MB21D2: variants seen among roughly 807,000 people sequenced by gnomAD.
The protein encoded by MB21D2 is nucleotidyltransferase MB21D2.
In MB21D2, 9 loss-of-function variants were observed where a neutral mutation model predicts 33.3. The ratio of observed to expected loss-of-function variants is 0.27; its 90% CI spans 0.16 to 0.47. The LOEUF (loss-of-function observed/expected upper bound fraction) is 0.47. Among genes scored for constraint, MB21D2 ranks in the 20% least tolerant of loss-of-function variants. MB21D2 has a pLI of 0.99. For missense variants in MB21D2, 540 were observed against 624.6 expected, an observed-to-expected ratio of 0.86 and a Z score of 1.44; for synonymous variants, 241 against 236.3, an observed-to-expected ratio of 1.02 and a Z score of -0.18.
intron 1 of MB21D2, among the ~76,000 whole-genome samples, chr3:192,832,271 T>C (rs1712331180): frequency 6.6e-6 from 1 of 152,234 alleles, no homozygotes; most frequent in Non-Finnish European, 1.5e-5. Context: ...TGATATTTTT[T>C]CTTGGATCAA....
At chr3:192,902,805 T>A (rs1009606460) in intron 1 of MB21D2, among the ~76,000 whole-genome samples, 1 of 152,096 alleles carries the variant, frequency 6.6e-6, no homozygotes, top group East Asian at 1.9e-4. Flanking sequence ...CGGCAACTCC[T>A]CCCAGCCACA....
At position 192,810,343 on chromosome 3, in the gene MB21D2, T is replaced by C. The variant is rs1250772597; in HGVS notation, c.212-10693A>G. Among the ~76,000 whole-genome samples the C allele has an allele frequency of 2.6e-5, 4 of 152,218 alleles. No homozygotes were observed. The South Asian group carries it at 8.3e-4, about 32-fold the overall frequency. ...TAAAAGAGACCTTGAATCGGTGATCTACATTACACATTTGAATTTGCTAAA... is the reference window on the plus strand; with the variant it reads ...TAAAAGAGACCTTGAATCGGTGATCCACATTACACATTTGAATTTGCTAAA... On this transcript the variant is annotated intron_variant, in intron 1 of 1. Transcript: ENST00000392452.
chr3:192,917,487 G>A (rs1560261308), intron 1 of MB21D2, 143 bp downstream of exon 1: 1 of 732,436 alleles, frequency 1.4e-6, no homozygotes, highest in East Asian at 2.8e-5. Context: ...AGAGAGAGGC[G>A]GAACAGAGAT....
chr3:192,813,164 T>C (rs1711828437), intron 1 of MB21D2, among the ~76,000 whole-genome samples: 1 of 152,174 alleles, frequency 6.6e-6, no homozygotes, highest in East Asian at 1.9e-4. Flanking sequence ...ATTTAGAAGC[T>C]GAAGGGATCA....
chr3:192,904,006 C>T (rs886104602), intron 1 of MB21D2, among the ~76,000 whole-genome samples: 55 of 152,286 alleles, frequency 3.6e-4, no homozygotes, highest in African/African-American at 1.2e-3. Flanking sequence ...GTTTAAATTA[C>T]CAGTCTCAGG....
chr3:192,833,794 A>G (rs1165782096), intron 1 of MB21D2, among the ~76,000 whole-genome samples: 3 of 152,152 alleles, frequency 2.0e-5, no homozygotes, highest in South Asian at 4.1e-4. Flanking sequence ...AAGTTTTTCA[A>G]TCTCTATGAT....
At chr3:192,808,886 A>G (rs1711723696) in intron 1 of MB21D2, among the ~76,000 whole-genome samples, 1 of 152,274 alleles carries the variant, frequency 6.6e-6, no homozygotes, top group Admixed American at 6.5e-5. Context: ...CAGTTTTACA[A>G]AGAGATAACT....
intron 1 of MB21D2, among the ~76,000 whole-genome samples, chr3:192,864,628 T>G (rs1020328800): frequency 1.3e-5 from 2 of 152,158 alleles, no homozygotes; most frequent in Non-Finnish European, 2.9e-5. Flanking sequence ...TGCCTTGGCC[T>G]CCCAAGTAGC....
intron 1 of MB21D2, among the ~76,000 whole-genome samples, chr3:192,916,623 T>TTACAA (rs1280321953): frequency 2.6e-5 from 4 of 152,112 alleles, no homozygotes; most frequent in African/African-American, 7.2e-5. Context: ...GAGCCGCAAG[T>TTACAA]TACAACCCAG....
chr3:192,893,760 G>A (rs994094859), intron 1 of MB21D2, among the ~76,000 whole-genome samples: 1 of 152,098 alleles, frequency 6.6e-6, no homozygotes, highest in African/African-American at 2.4e-5. Context: ...CCTCTGGCTG[G>A]GGGGTGGCTC....
rs1190199455 is a variant in MB21D2 at position 192,894,497 on chromosome 3, A to G, written c.211+23133T>C. On this transcript the variant is annotated intron_variant, in intron 1 of 1. Coordinates refer to ENST00000392452, the MANE Select transcript of MB21D2 (RefSeq NM_178496.4). ...ATCCTGTACCTGGCTTCCCTTGAAG[A>G]TAAGCACAGGGACTATTTTCACCTG... 5.3e-5 allele frequency among the ~76,000 whole-genome samples: 8 copies of G among 152,124 alleles called. No homozygotes were observed. The South Asian group carries it at 1.7e-3, about 32-fold the overall frequency.
intron 1 of MB21D2, among the ~76,000 whole-genome samples, chr3:192,870,274 A>G (rs920279763): frequency 2.0e-5 from 3 of 152,170 alleles, no homozygotes; most frequent in African/African-American, 4.8e-5. Flanking sequence ...TCTGACCCTC[A>G]GCTTCTCATC....
At chr3:192,810,699 G>A (rs1711765467) in intron 1 of MB21D2, among the ~76,000 whole-genome samples, 4 of 152,102 alleles carry the variant, frequency 2.6e-5, no homozygotes, top group African/African-American at 9.7e-5. Flanking sequence ...GGCATAATAT[G>A]TTAAGGTAAA....
chr3:192,881,507 C>T (rs558038236), intron 1 of MB21D2, among the ~76,000 whole-genome samples: 8 of 152,226 alleles, frequency 5.3e-5, no homozygotes, highest in African/African-American at 1.9e-4. Context: ...ACACAAAATA[C>T]CCTAAACGTA....
At chr3:192,812,204 C>T (rs965187134) in intron 1 of MB21D2, among the ~76,000 whole-genome samples, 7 of 151,942 alleles carry the variant, frequency 4.6e-5, no homozygotes, top group Admixed American at 3.3e-4. Context: ...TGCGCCACCA[C>T]GCCCGGCTAA....
intron 1 of MB21D2, among the ~76,000 whole-genome samples, chr3:192,831,033 A>T (rs946183265): frequency 2.0e-5 from 3 of 152,254 alleles, no homozygotes; most frequent in Admixed American, 1.3e-4. Flanking sequence ...ACCCTTGCGT[A>T]GTCCCCTCAA....
At chr3:192,902,427 A>C (rs1714123038) in intron 1 of MB21D2, among the ~76,000 whole-genome samples, 1 of 152,228 alleles carries the variant, frequency 6.6e-6, no homozygotes, top group Non-Finnish European at 1.5e-5. Flanking sequence ...TTATCTATAA[A>C]GTGCGGACAG....
At chr3:192,818,884 C>G (rs1711983439) in intron 1 of MB21D2, among the ~76,000 whole-genome samples, 1 of 152,126 alleles carries the variant, frequency 6.6e-6, no homozygotes, top group Non-Finnish European at 1.5e-5. Flanking sequence ...AGGCCAACTG[C>G]TGGTCTTAAT....
intron 1 of MB21D2, among the ~76,000 whole-genome samples, chr3:192,845,689 T>C (rs1213161857): frequency 6.6e-6 from 1 of 152,220 alleles, no homozygotes; most frequent in Non-Finnish European, 1.5e-5. Flanking sequence ...AATATCACTC[T>C]GATCTACTTC....
Sources: gnomAD v4.1 joint callset for allele counts (sites outside exome capture counted in the v4.1 genomes callset) on GRCh38, gnomAD v4.1.1 for gene constraint, MANE v1.5 for transcripts, NCBI Gene and HGNC (gene_info 2026-07-23, HGNC 2026-07-21) for gene names.